BCKDHB: variants seen among roughly 807,000 people sequenced by gnomAD.
The protein encoded by BCKDHB is 2-oxoisovalerate dehydrogenase subunit beta, mitochondrial.
In BCKDHB, 41 loss-of-function variants were observed where a neutral mutation model predicts 48.5. That is an observed-to-expected ratio of 0.85 (90% CI 0.66 to 1.10). The LOEUF is 1.10. Ranked by LOEUF, BCKDHB falls within the 50% of genes least tolerant of loss-of-function variation. The pLI is 0.00. For synonymous variants in BCKDHB, 201 were observed against 174.8 expected (o/e 1.15, Z -1.18); for missense variants, 496 against 494.2 (o/e 1.00, Z -0.03).
intron 9 of BCKDHB, among the ~76,000 whole-genome samples, chr6:80,300,166 C>A (rs1767507853): frequency 6.6e-6 from 1 of 152,066 alleles, no homozygotes. Context: ...ATCCTCCCAC[C>A]TCAGCCTCCC....
chr6:80,392,071 C>A, the BCKDHB span, among the ~76,000 whole-genome samples: 1 of 152,136 alleles, frequency 6.6e-6, no homozygotes, highest in Non-Finnish European at 1.5e-5. Context: ...CAGCTCACTG[C>A]AACCTCCACC....
At chr6:80,383,198 G>A in the BCKDHB span, among the ~76,000 whole-genome samples, 2 of 152,040 alleles carry the variant, frequency 1.3e-5, no homozygotes, top group Non-Finnish European at 2.9e-5. Context: ...GCATATCTTC[G>A]ATTTAATATG....
rs1768785947 is a variant in BCKDHB at position 80,322,388 on chromosome 6, A to G, written c.1039-21276A>G. ...CGAGTAGCTGGGATTACAGGCGCGCACCACTACGCCTGGCTAATTTTTGTA... is the reference window on the plus strand; with the variant it reads ...CGAGTAGCTGGGATTACAGGCGCGCGCCACTACGCCTGGCTAATTTTTGTA... On this transcript the variant is annotated intron_variant, in intron 9 of 9. Coordinates refer to ENST00000320393, the MANE Select transcript of BCKDHB (RefSeq NM_183050.4). Among the ~76,000 whole-genome samples, 3 of 151,388 alleles carry G rather than the reference A, an allele frequency of 2.0e-5. No homozygotes were observed. The South Asian group carries it at 6.3e-4, about 32-fold the overall frequency.
intron 3 of BCKDHB, among the ~76,000 whole-genome samples, chr6:80,142,088 A>G (rs1275783050): frequency 6.6e-6 from 1 of 152,010 alleles, no homozygotes; most frequent in African/African-American, 2.4e-5. Flanking sequence ...TTTCTTATGT[A>G]TTTGGAGTTG....
At chr6:80,273,055 T>G (rs1777817988) in intron 8 of BCKDHB, 80 bp from the exon 9 acceptor site, 1 of 1,076,180 alleles carries the variant, frequency 9.3e-7, no homozygotes. Context: ...ATAATTTACT[T>G]TTATTACTGA....
intron 6 of BCKDHB, among the ~76,000 whole-genome samples, chr6:80,194,549 T>C (rs140923534): frequency 2.6e-4 from 39 of 152,316 alleles, no homozygotes; most frequent in African/African-American, 8.4e-4. Flanking sequence ...CTTTTTTGTC[T>C]GTCATGGTCG....
chr6:80,429,026 T>C, the BCKDHB span, among the ~76,000 whole-genome samples: 1 of 152,244 alleles, frequency 6.6e-6, no homozygotes, highest in Non-Finnish European at 1.5e-5. Flanking sequence ...AAGTAGTTAA[T>C]CCATCTTGAG....
At chr6:80,152,185 A>G (rs950179400) in intron 3 of BCKDHB, among the ~76,000 whole-genome samples, 1 of 151,840 alleles carries the variant, frequency 6.6e-6, no homozygotes, top group African/African-American at 2.4e-5. Flanking sequence ...CTGTTTATTC[A>G]GCATCAGCTA....
At chr6:80,409,588 A>ATG in the BCKDHB span, among the ~76,000 whole-genome samples, 1 of 16,786 alleles carries the variant, frequency 6.0e-5, no homozygotes, top group South Asian at 1.6e-3. Context: ...ATATATATAT[A>ATG]TATATATATA....
intron 9 of BCKDHB, among the ~76,000 whole-genome samples, chr6:80,335,152 G>A (rs1769512962): frequency 6.7e-6 from 1 of 149,628 alleles, no homozygotes; most frequent in African/African-American, 2.5e-5. Flanking sequence ...GAATTGTCTG[G>A]TTGCTTTAGC....
the BCKDHB span, among the ~76,000 whole-genome samples, chr6:80,431,480 C>A: frequency 1.3e-5 from 2 of 152,184 alleles, no homozygotes; most frequent in South Asian, 2.1e-4. Context: ...TCTCTAAGAA[C>A]TTGCTTTATG....
intron 3 of BCKDHB, among the ~76,000 whole-genome samples, chr6:80,148,350 T>C (rs1458814092): frequency 6.6e-6 from 1 of 152,152 alleles, no homozygotes; most frequent in East Asian, 1.9e-4. Flanking sequence ...TTCAGATCAG[T>C]GTAGAAACCT....
chr6:80,363,737 C>T, the BCKDHB span, among the ~76,000 whole-genome samples: 1 of 152,152 alleles, frequency 6.6e-6, no homozygotes, highest in Non-Finnish European at 1.5e-5. Flanking sequence ...CAGTGAAGCA[C>T]AAGGAGTACA....
chr6:80,107,390 C>T (rs1291463110), intron 1 of BCKDHB, among the ~76,000 whole-genome samples: 1 of 141,200 alleles, frequency 7.1e-6, no homozygotes, highest in East Asian at 2.0e-4. Context: ...TACTCAGTCC[C>T]TTGGTTTCTT....
At chr6:80,138,290 CT>C (rs66479077) in intron 3 of BCKDHB, among the ~76,000 whole-genome samples, 55,763 of 151,148 alleles carry the variant, frequency 0.37, 12,250 homozygotes, top group Admixed American at 0.56. Context: ...ATAAGGAATT[CT>C]TTTTTTTTAT....
Position 80,308,688 on chromosome 6 carries a change from A to G in BCKDHB, c.1039-34976A>G, listed in dbSNP as rs968547556. Among the ~76,000 whole-genome samples the G allele has an allele frequency of 3.2e-4, 48 of 148,400 alleles. 1 individual carries two copies. The highest frequency in any genetic ancestry group is 3.6e-3 in the Middle Eastern group (1 of 276). The stretch of plus-strand genomic sequence containing the variant: ...CGGCTCACTGCAAGCTCCGCCTCCC[A>G]GGTTCACGCCATTCTCCTGCCTCAG... On this transcript the variant is annotated intron_variant, in intron 9 of 9. Coordinates refer to ENST00000320393, the MANE Select transcript of BCKDHB (RefSeq NM_183050.4).
intron 8 of BCKDHB, among the ~76,000 whole-genome samples, chr6:80,209,684 A>G (rs1290905662): frequency 6.6e-6 from 1 of 152,010 alleles, no homozygotes; most frequent in Non-Finnish European, 1.5e-5. Context: ...TGAGTTGCAG[A>G]TCTAATTGTG....
chr6:80,302,996 AAG>A (rs1378019944), intron 9 of BCKDHB, among the ~76,000 whole-genome samples: 1 of 152,138 alleles, frequency 6.6e-6, no homozygotes, highest in Non-Finnish European at 1.5e-5. Flanking sequence ...TGCTTAAAAA[AAG>A]AGCAGAATTT....
the BCKDHB span, among the ~76,000 whole-genome samples, chr6:80,456,915 AAT>A: frequency 6.6e-6 from 1 of 152,218 alleles, no homozygotes; most frequent in African/African-American, 2.4e-5. Context: ...CATGGAGGAA[AAT>A]ATGAGTTCAT....
Sources: allele counts gnomAD v4.1 joint callset (sites outside exome capture counted in the v4.1 genomes callset), GRCh38; gene constraint gnomAD v4.1.1; transcripts MANE v1.5; gene names NCBI Gene and HGNC (gene_info 2026-07-23, HGNC 2026-07-21).